The following UNC79 variants were observed in gnomAD, a reference collection of about 807,000 sequenced individuals.
UNC79 encodes the protein protein unc-79 homolog.
Under a neutral mutation model 283.1 loss-of-function variants are expected in UNC79, and 37 were observed. That is an observed-to-expected ratio of 0.13 (90% confidence interval 0.10 to 0.17). The LOEUF (loss-of-function observed/expected upper bound fraction) is 0.17, where lower values mean the gene tolerates loss of function less well. Among genes scored for constraint, UNC79 ranks in the 10% least tolerant of loss-of-function variants. UNC79 has a pLI of 1.00. For synonymous variants in UNC79, 1,107 were observed against 1,200.2 expected, an observed-to-expected ratio of 0.92 and a Z score of 1.61; for missense variants, 2,272 against 3,211.1, an observed-to-expected ratio of 0.71 and a Z score of 7.07.
chr14:93,699,393 T>G (rs1314710992), intron 47 of UNC79, among the ~76,000 whole-genome samples: 3 of 152,216 alleles, frequency 2.0e-5, no homozygotes, highest in African/African-American at 7.2e-5. Flanking sequence ...ACTTCCTTCT[T>G]TTCAAACATC....
At chr14:93,555,665 A>G (rs1351023833) in intron 14 of UNC79, among the ~76,000 whole-genome samples, 2 of 152,104 alleles carry the variant, frequency 1.3e-5, no homozygotes, top group Non-Finnish European at 2.9e-5. Context: ...CAGGCCCCCA[A>G]AGTGCTGGGA....
chr14:93,573,572 G>C (rs977996944), intron 16 of UNC79, among the ~76,000 whole-genome samples: 4 of 152,168 alleles, frequency 2.6e-5, no homozygotes, highest in Admixed American at 6.5e-5. Context: ...TCAATGTTTA[G>C]ATTAACTACA....
intron 1 of UNC79, among the ~76,000 whole-genome samples, chr14:93,440,874 T>C (rs1455327184): frequency 6.6e-6 from 1 of 152,150 alleles, no homozygotes; most frequent in Non-Finnish European, 1.5e-5. Flanking sequence ...GAATACCACA[T>C]ATGTACTTAA....
chr14:93,453,036 G>T (rs537036882), intron 1 of UNC79, among the ~76,000 whole-genome samples: 1 of 152,324 alleles, frequency 6.6e-6, no homozygotes, highest in East Asian at 1.9e-4. Context: ...ACTCCAGGTT[G>T]ATCATGAATG....
At chr14:93,343,239 G>A (rs1001814293) in intron 1 of UNC79, among the ~76,000 whole-genome samples, 5 of 152,212 alleles carry the variant, frequency 3.3e-5, no homozygotes, top group Non-Finnish European at 5.9e-5. Context: ...AAAGAAAAGA[G>A]GTTTAATTGA....
At chr14:93,575,713 G>A (rs1164087784) in intron 17 of UNC79, among the ~76,000 whole-genome samples, 1 of 152,212 alleles carries the variant, frequency 6.6e-6, no homozygotes, top group Non-Finnish European at 1.5e-5. Flanking sequence ...GGTCTAAAGT[G>A]TATACAAACT....
In UNC79 at chr14:93,423,062, C is replaced by CAAA. The variant is rs71129634; in HGVS notation, c.-350-44582_-350-44580dup. ...TGGGGGACAGAGCGAGACTCTGTCT[C>CAAA]AAAAAAAAAAAAAAAAAAAAAAAAA... On this transcript the variant is annotated intron_variant, in intron 1 of 49. Coordinates refer to the UNC79 transcript ENST00000256339. Among the ~76,000 whole-genome samples the CAAA allele has an allele frequency of 5.8e-4, 45 of 77,284 alleles. 2 individuals are homozygous for CAAA. The highest frequency in any genetic ancestry group is 2.0e-3 in the African/African-American group (37 of 18,322). The allele number at this position is 77,284 out of a possible 152,430, so 50.7% of individuals were successfully genotyped here.
At chr14:93,473,029 A>G (rs2057604670) in intron 2 of UNC79, among the ~76,000 whole-genome samples, 1 of 152,086 alleles carries the variant, frequency 6.6e-6, no homozygotes, top group Non-Finnish European at 1.5e-5. Flanking sequence ...CTGCTTTATC[A>G]CTTTTACCAA....
At chr14:93,360,850 G>T (rs192933021) in intron 1 of UNC79, among the ~76,000 whole-genome samples, 1 of 152,136 alleles carries the variant, frequency 6.6e-6, no homozygotes. Flanking sequence ...GTCCAGTGGT[G>T]TGGGGCCTGT....
chr14:93,385,702 C>T (rs1341379566), intron 1 of UNC79, among the ~76,000 whole-genome samples: 1 of 151,792 alleles, frequency 6.6e-6, no homozygotes, highest in African/African-American at 2.4e-5. Context: ...TTGCTTGAAC[C>T]CAGGAGGTGG....
intron 1 of UNC79, among the ~76,000 whole-genome samples, chr14:93,353,243 G>A (rs2054014870): frequency 6.6e-6 from 1 of 151,798 alleles, no homozygotes; most frequent in Non-Finnish European, 1.5e-5. Flanking sequence ...TCACTGTGTC[G>A]CCCAGGCTGG....
intron 14 of UNC79, among the ~76,000 whole-genome samples, chr14:93,569,437 CA>C (rs1450010721): frequency 1.3e-5 from 2 of 150,858 alleles, no homozygotes; most frequent in Non-Finnish European, 3.0e-5. Context: ...ACTCCATCTC[CA>C]AAAAAAATAA....
intron 7 of UNC79, among the ~76,000 whole-genome samples, chr14:93,500,407 C>T (rs1299046433): frequency 2.6e-5 from 4 of 152,106 alleles, no homozygotes; most frequent in Non-Finnish European, 5.9e-5. Flanking sequence ...AAGTAGCTCT[C>T]TTGAAACTCC....
At position 93,654,566 on chromosome 14, in the gene UNC79, A is replaced by AATAATTTAAATTTTAAAAATTAAC. The variant is rs533771829; in HGVS notation, c.6282+585_6283-601dup. 5.9e-3 allele frequency among the ~76,000 whole-genome samples: 893 copies of AATAATTTAAATTTTAAAAATTAAC among 151,848 alleles called. 4 individuals carry two copies. The highest frequency in any genetic ancestry group is 0.02 in the South Asian group (95 of 4,746). ...AAATAATAGAAAATGCTAAAATTTA[A>AATAATTTAAATTTTAAAAATTAAC]ATAATTTAAATTTTAAAAATTAACA... On this transcript the variant is annotated intron_variant, in intron 37 of 48. Coordinates refer to ENST00000555664, the Ensembl canonical transcript of UNC79.
chr14:93,525,783 A>AT (rs1051152093), intron 8 of UNC79, among the ~76,000 whole-genome samples: 10 of 151,906 alleles, frequency 6.6e-5, no homozygotes, highest in African/African-American at 2.4e-4. Flanking sequence ...TTTTTCCTTG[A>AT]TTTTATGTCA....
chr14:93,558,481 C>G (rs894288887), intron 14 of UNC79, among the ~76,000 whole-genome samples: 4 of 151,098 alleles, frequency 2.6e-5, no homozygotes, highest in Admixed American at 1.3e-4. Context: ...GCGTGAACCC[C>G]GGAGGCGGAG....
intron 1 of UNC79, among the ~76,000 whole-genome samples, chr14:93,459,042 A>G (rs1468342947): frequency 6.6e-6 from 1 of 152,232 alleles, no homozygotes; most frequent in East Asian, 1.9e-4. Flanking sequence ...TCAAGGCTGC[A>G]GTGCCGTGGC....
intron 5 of UNC79, among the ~76,000 whole-genome samples, chr14:93,495,583 C>T (rs578231242): frequency 8.6e-4 from 131 of 152,200 alleles, no homozygotes; most frequent in Admixed American, 1.7e-3. Flanking sequence ...CCACAGGTGA[C>T]GGGAGGGTCA....
In UNC79 at chr14:93,657,752, G is replaced by A. The variant is rs193247836; in HGVS notation, c.6457-1441G>A. The stretch of plus-strand genomic sequence containing the variant: ...GTGTTGCCAGCTGTAAACAAGTGGC[G>A]TGCCTAATTTGTGACAATCAACCTG... On this transcript the variant is annotated intron_variant, in intron 38 of 48. Transcript: ENST00000555664. Among the ~76,000 whole-genome samples, 526 of 152,244 alleles carry A rather than the reference G, an allele frequency of 3.5e-3. 3 individuals are homozygous for A. The highest frequency in any genetic ancestry group is 0.012 in the African/African-American group (479 of 41,540).
Sources: allele counts gnomAD v4.1 joint callset (sites outside exome capture counted in the v4.1 genomes callset), GRCh38; gene constraint gnomAD v4.1.1; transcripts MANE v1.5; gene names NCBI Gene and HGNC (gene_info 2026-07-23, HGNC 2026-07-21).